Variants in C3orf49 observed in about 807,000 individuals in gnomAD.
The protein encoded by C3orf49 is putative uncharacterized protein C3orf49.
C3orf49 carries 27 observed loss-of-function variants against 13.3 expected under a neutral mutation model. That is an observed-to-expected ratio of 2.02 (90% CI 1.49 to 2.79). The LOEUF is 2.79. Among genes scored for constraint, C3orf49 ranks in the 30% most tolerant of loss-of-function variants. C3orf49 has a pLI of 0.00. For synonymous variants in C3orf49, 87 were observed against 47.6 expected, an observed-to-expected ratio of 1.83 and a Z score of -3.40; for missense variants, 242 against 134.2, an observed-to-expected ratio of 1.80 and a Z score of -3.97.
chr3:63,793,762 C>A, the C3orf49 span, among the ~76,000 whole-genome samples: 2 of 152,112 alleles, frequency 1.3e-5, no homozygotes, highest in Non-Finnish European at 2.9e-5. Context: ...ATCTTCCTAC[C>A]GCTAGAATAT....
At chr3:63,838,726 T>C (rs1338172276) in intron 5 of C3orf49, among the ~76,000 whole-genome samples, 1 of 152,090 alleles carries the variant, frequency 6.6e-6, no homozygotes, top group Non-Finnish European at 1.5e-5. Flanking sequence ...TTGTTGTTCT[T>C]ATCAATGCAC....
In C3orf49 at chr3:63,819,538, C is replaced by T. The variant is rs114391175; in HGVS notation, c.67C>T (p.Arg23Ter). Residue 23 changes from arginine (R) to a stop codon, truncating the protein, a stop_gained, in exon 1 of 7, where the codon CGA becomes TGA. Transcript: ENST00000295896. LOFTEE classifies it high-confidence loss of function. ...KIAYRKVGQC[R>*]RFQQLKKKNG... is the part of the protein sequence containing the mutation. ...TGCCTACAGAAAAGTTGGACAGTGC[C>T]GAAGATTCCAGCAACTCAAGAAGAA... The T allele has an allele frequency of 4.3e-3, 3,030 of 703,066 alleles. 74 individuals carry two copies. The highest frequency in any genetic ancestry group is 0.027 in the African/African-American group (1,542 of 57,254). The allele number at this position is 703,066 out of a possible 1,614,324, so 43.6% of individuals were successfully genotyped here. A position where few individuals can be genotyped will look rare whatever the true frequency, so the allele number is the denominator to read the frequency against.
At chr3:63,819,247 T>A, upstream of C3orf49, 1 of 450,090 alleles carries the variant, frequency 2.2e-6, no homozygotes, top group South Asian at 3.8e-5. Context: ...GTCAAATACA[T>A]CACTGGTGAC....
chr3:63,832,116 C>G (rs1701541479), intron 5 of C3orf49: 3 of 306,112 alleles, frequency 9.8e-6, no homozygotes, highest in Non-Finnish European at 1.8e-5. Flanking sequence ...ATTGCTTGAA[C>G]CTGGGAGGCA....
At chr3:63,846,732 A>G (rs1260506454) in intron 6 of C3orf49, among the ~76,000 whole-genome samples, 1 of 152,154 alleles carries the variant, frequency 6.6e-6, no homozygotes, top group African/African-American at 2.4e-5. Context: ...TTATAACCCC[A>G]GTATACTTGA....
At chr3:63,796,000 A>G in the C3orf49 span, among the ~76,000 whole-genome samples, 1 of 152,202 alleles carries the variant, frequency 6.6e-6, no homozygotes, top group Admixed American at 6.5e-5. Flanking sequence ...AAATATAATA[A>G]GAGGAATTCA....
At chr3:63,814,050 G>T in the C3orf49 span, among the ~76,000 whole-genome samples, 1 of 152,176 alleles carries the variant, frequency 6.6e-6, no homozygotes, top group African/African-American at 2.4e-5. Context: ...AAGTTGCTAG[G>T]CAAGGTTAGT....
At chr3:63,828,085 G>C (rs1217623606) in intron 3 of C3orf49, among the ~76,000 whole-genome samples, 1 of 152,224 alleles carries the variant, frequency 6.6e-6, no homozygotes, top group East Asian at 1.9e-4. Context: ...GAAGATGTAA[G>C]TATGCATTGT....
At chr3:63,824,529 T>A (rs1234233332) in intron 2 of C3orf49, among the ~76,000 whole-genome samples, 2 of 152,110 alleles carry the variant, frequency 1.3e-5, no homozygotes, top group Non-Finnish European at 2.9e-5. Flanking sequence ...TTCTCATCTG[T>A]GGCTTTTAAA....
intron 5 of C3orf49, chr3:63,833,766 G>A (rs1701567351): frequency 5.7e-6 from 1 of 176,946 alleles, no homozygotes; most frequent in Non-Finnish European, 1.2e-5. Context: ...ATTTTCCCAT[G>A]TACATCCTAG....
chr3:63,807,857 C>CAAAAAAAAA, the C3orf49 span, among the ~76,000 whole-genome samples: 8 of 32,198 alleles, frequency 2.5e-4, no homozygotes, highest in Non-Finnish European at 4.4e-4. Context: ...AACTTCATCT[C>CAAAAAAAAA]AAAAAAAAAA....
rs2107091135 is a variant in C3orf49 at position 63,819,516 on chromosome 3, C to CT, written c.46dup (p.Tyr16LeufsTer30). ...ATCTACCAGAACCCTTTAAGATTGC[C>CT]TACAGAAAAGTTGGACAGTGCCGAA... On this transcript the variant is annotated frameshift_variant, in exon 1 of 7. Transcript: ENST00000295896. LOFTEE classifies it high-confidence loss of function. 1 of 703,046 alleles carries CT rather than the reference C, an allele frequency of 1.4e-6. No homozygotes were observed. The highest frequency in any genetic ancestry group is 2.7e-5 in the East Asian group (1 of 37,282). The allele number at this position is 703,046 out of a possible 1,614,324, so 43.6% of individuals were successfully genotyped here. A position where few individuals can be genotyped will look rare whatever the true frequency, so the allele number is the denominator to read the frequency against.
At chr3:63,836,888 A>C (rs1701645586) in intron 5 of C3orf49, among the ~76,000 whole-genome samples, 1 of 151,964 alleles carries the variant, frequency 6.6e-6, no homozygotes. Flanking sequence ...ACTCCTGTTA[A>C]GCTTTCTTAT....
chr3:63,786,844 A>G, the C3orf49 span, among the ~76,000 whole-genome samples: 2 of 152,186 alleles, frequency 1.3e-5, no homozygotes, highest in African/African-American at 4.8e-5. Context: ...ACTTTACATC[A>G]TGTCTCTCTG....
chr3:63,792,319 A>G, the C3orf49 span, among the ~76,000 whole-genome samples: 18 of 152,214 alleles, frequency 1.2e-4, no homozygotes, highest in Non-Finnish European at 2.4e-4. Context: ...TAGATAATTA[A>G]AGCTTTTCTT....
At chr3:63,836,162 G>C in intron 5 of C3orf49, 1 of 705,746 alleles carries the variant, frequency 1.4e-6, no homozygotes, top group South Asian at 2.5e-5. Flanking sequence ...TAACAGAGAA[G>C]TATGGGAAAA....
the C3orf49 span, chr3:63,782,463 C>A: frequency 6.6e-6 from 1 of 152,108 alleles, no homozygotes; most frequent in Non-Finnish European, 1.5e-5. Flanking sequence ...TTATTGTGTA[C>A]ATTGATGAGA....
chr3:63,793,383 T>G, the C3orf49 span, among the ~76,000 whole-genome samples: 1 of 151,984 alleles, frequency 6.6e-6, no homozygotes, highest in Non-Finnish European at 1.5e-5. Context: ...CCTCAAAAAT[T>G]TAGTCTCTCA....
the C3orf49 span, among the ~76,000 whole-genome samples, chr3:63,809,245 A>G: frequency 6.6e-6 from 1 of 152,188 alleles, no homozygotes; most frequent in African/African-American, 2.4e-5. Context: ...AAGGAAACAG[A>G]TTCACCCCTC....
Sources: allele counts gnomAD v4.1 joint callset (sites outside exome capture counted in the v4.1 genomes callset), GRCh38; gene constraint gnomAD v4.1.1; transcripts MANE v1.5; gene names NCBI Gene and HGNC (gene_info 2026-07-23, HGNC 2026-07-21).